FRMD3: variants seen among roughly 807,000 people sequenced by gnomAD.
FRMD3 encodes the protein FERM domain containing 3.
In FRMD3, 33 loss-of-function variants were observed where a neutral mutation model predicts 70.2. The ratio of observed to expected loss-of-function variants is 0.47; its 90% CI spans 0.36 to 0.63. The LOEUF is 0.63. Ranked by LOEUF, FRMD3 falls within the 20% of genes least tolerant of loss-of-function variation. The pLI, the probability that FRMD3 is intolerant of heterozygous loss-of-function variation, is 0.00. For missense variants in FRMD3, 632 were observed against 711.4 expected, an observed-to-expected ratio of 0.89 and a Z score of 1.27; for synonymous variants, 279 against 255.9, an observed-to-expected ratio of 1.09 and a Z score of -0.86.
chr9:83,242,997 T>A, downstream of FRMD3: 1 of 595,446 alleles, frequency 1.7e-6, no homozygotes, highest in Middle Eastern at 4.6e-4. Flanking sequence ...CAGGAGAGGG[T>A]TAAAAGCAGC....
intron 1 of FRMD3, among the ~76,000 whole-genome samples, chr9:83,411,063 C>T (rs758818292): frequency 7.9e-5 from 12 of 152,130 alleles, no homozygotes; most frequent in East Asian, 1.9e-4. Context: ...GGGGCAAGAG[C>T]GAAGATCCTC....
intron 12 of FRMD3, among the ~76,000 whole-genome samples, chr9:83,292,919 A>G (rs1347385507): frequency 6.6e-6 from 1 of 152,210 alleles, no homozygotes; most frequent in African/African-American, 2.4e-5. Flanking sequence ...TGCTGGGATT[A>G]CAGGCGTGAG....
intron 1 of FRMD3, among the ~76,000 whole-genome samples, chr9:83,415,318 A>G (rs759216804): frequency 3.9e-5 from 6 of 152,228 alleles, no homozygotes; most frequent in Non-Finnish European, 5.9e-5. Context: ...GGAGGAGCAA[A>G]TGGAAGAGAT....
At chr9:83,412,777 C>A (rs547888797) in intron 1 of FRMD3, among the ~76,000 whole-genome samples, 1 of 152,062 alleles carries the variant, frequency 6.6e-6, no homozygotes, top group East Asian at 1.9e-4. Context: ...GGTGGATAAC[C>A]TGAGGTCAGG....
chr9:83,288,001 GGAAT>G (rs1238582617), intron 13 of FRMD3, among the ~76,000 whole-genome samples: 2 of 152,180 alleles, frequency 1.3e-5, no homozygotes, highest in African/African-American at 4.8e-5. Context: ...GTTGCATTAA[GGAAT>G]GAATGAATTC....
At chr9:83,509,477 A>T (rs982813033) in intron 1 of FRMD3, among the ~76,000 whole-genome samples, 1 of 152,218 alleles carries the variant, frequency 6.6e-6, no homozygotes. Context: ...AGGTTTGTCT[A>T]CTTTAAGCTG....
chr9:83,487,071 T>A (rs920377740), intron 1 of FRMD3, among the ~76,000 whole-genome samples: 1 of 152,204 alleles, frequency 6.6e-6, no homozygotes, highest in African/African-American at 2.4e-5. Context: ...ATAGCATTAT[T>A]TCCCATGTAA....
rs138565141 is a variant in FRMD3, at chr9:83,367,039, C to CAA, written c.295+5872_295+5873dup. On this transcript the variant is annotated intron_variant, in intron 3 of 13. Coordinates refer to ENST00000304195, the MANE Select transcript of FRMD3 (RefSeq NM_174938.6). The stretch of plus-strand genomic sequence containing the variant: ...CAGAATGAAGCTCTGTCTCAAAAAA[C>CAA]AAAAAAAAAATTATAAGTGAGAAGT... 5.4e-5 allele frequency among the ~76,000 whole-genome samples: 8 copies of CAA among 149,524 alleles called. No homozygotes were observed. The East Asian group carries it at 5.9e-4, about 11-fold the overall frequency.
intron 3 of FRMD3, chr9:83,350,894 T>C (rs947964954): frequency 2.2e-6 from 1 of 456,832 alleles, no homozygotes; most frequent in African/African-American, 2.1e-5. Context: ...TGCATACCAG[T>C]GTAGTGAGAT....
chr9:83,363,699 C>T (rs1824690515), intron 3 of FRMD3, among the ~76,000 whole-genome samples: 1 of 151,918 alleles, frequency 6.6e-6, no homozygotes, highest in Non-Finnish European at 1.5e-5. Flanking sequence ...GGACTACAGG[C>T]GCCCGCCACC....
chr9:83,291,865 C>T (rs1834432799), intron 12 of FRMD3, among the ~76,000 whole-genome samples: 2 of 152,204 alleles, frequency 1.3e-5, no homozygotes, highest in African/African-American at 4.8e-5. Flanking sequence ...GGACTACCTT[C>T]TAGCCTGAGT....
chr9:83,479,567 C>A (rs1489740257), intron 1 of FRMD3, among the ~76,000 whole-genome samples: 7 of 137,198 alleles, frequency 5.1e-5, no homozygotes, highest in African/African-American at 2.0e-4. Flanking sequence ...TTCGAGGCTG[C>A]AAATAGCTAT....
intron 1 of FRMD3, among the ~76,000 whole-genome samples, chr9:83,521,274 T>C (rs1478405869): frequency 6.6e-6 from 1 of 152,146 alleles, no homozygotes; most frequent in Non-Finnish European, 1.5e-5. Flanking sequence ...ACTAAAGAAC[T>C]GGCAAACTCA....
At chr9:83,549,012 G>T in the FRMD3 span, among the ~76,000 whole-genome samples, 2 of 151,746 alleles carry the variant, frequency 1.3e-5, no homozygotes, top group South Asian at 4.2e-4. Context: ...AGATAATCAT[G>T]TGTCATGAGG....
chr9:83,511,060 C>T (rs1035943473), intron 1 of FRMD3, among the ~76,000 whole-genome samples: 2 of 152,166 alleles, frequency 1.3e-5, no homozygotes, highest in Non-Finnish European at 1.5e-5. Flanking sequence ...GTGGGAGGAT[C>T]CCACTCACAG....
Position 83,503,074 on chromosome 9 carries a change from A to G in FRMD3, c.147+35011T>C, listed in dbSNP as rs552890690. ...ATATTGGCTGCAAAAGACTATTGGG[A>G]AGGGCAGAATTTCTAAAATGGCCCC... On this transcript the variant is annotated intron_variant, in intron 1 of 13. Transcript: ENST00000304195. 5.9e-5 allele frequency among the ~76,000 whole-genome samples: 9 copies of G among 152,288 alleles called. 1 individual carries two copies. The highest frequency in any genetic ancestry group is 2.2e-4 in the African/African-American group (9 of 41,552).
the FRMD3 span, among the ~76,000 whole-genome samples, chr9:83,545,949 G>A: frequency 6.6e-6 from 1 of 151,690 alleles, no homozygotes; most frequent in Non-Finnish European, 1.5e-5. Flanking sequence ...CCTAATAGCA[G>A]CAAGAGAAAA....
intron 1 of FRMD3, among the ~76,000 whole-genome samples, chr9:83,506,117 T>C: frequency 6.6e-6 from 1 of 152,188 alleles, no homozygotes; most frequent in Non-Finnish European, 1.5e-5. Flanking sequence ...AGTCGGTTGT[T>C]CTCACACATT....
At chr9:83,519,028 C>T (rs1253541639) in intron 1 of FRMD3, among the ~76,000 whole-genome samples, 1 of 152,150 alleles carries the variant, frequency 6.6e-6, no homozygotes, top group Non-Finnish European at 1.5e-5. Flanking sequence ...AGCCCTAAAA[C>T]CATAAAAACC....
Sources: gnomAD v4.1 joint callset for allele counts (sites outside exome capture counted in the v4.1 genomes callset) on GRCh38, gnomAD v4.1.1 for gene constraint, MANE v1.5 for transcripts, NCBI Gene and HGNC (gene_info 2026-07-23, HGNC 2026-07-21) for gene names.